The following SPAG16 variants were observed in gnomAD, a reference collection of about 807,000 sequenced individuals.
The protein encoded by SPAG16 is sperm-associated antigen 16 protein.
In SPAG16, 86 loss-of-function variants were observed where a neutral mutation model predicts 80.4. The observed-to-expected ratio is 1.07, with a 90% CI of 0.90 to 1.28. The LOEUF (loss-of-function observed/expected upper bound fraction) is 1.28, where lower values mean the gene tolerates loss of function less well. Among genes scored for constraint, SPAG16 ranks in the 50% most tolerant of loss-of-function variants. The probability of loss-of-function intolerance (pLI) is 0.00; values close to 1 mark genes in which losing one functional copy is unlikely to be tolerated. For synonymous variants in SPAG16, 294 were observed against 265.9 expected, an observed-to-expected ratio of 1.11 and a Z score of -1.03; for missense variants, 870 against 765.3, an observed-to-expected ratio of 1.14 and a Z score of -1.61.
At chr2:213,916,861 C>A (rs2077995801) in intron 11 of SPAG16, among the ~76,000 whole-genome samples, 1 of 152,142 alleles carries the variant, frequency 6.6e-6, no homozygotes, top group Non-Finnish European at 1.5e-5. Context: ...GTCACGAAAT[C>A]TGTGCTAAAT....
Position 213,720,922 on chromosome 2 carries a change from A to G in SPAG16, c.1071-141563A>G, listed in dbSNP as rs377357126. Among the ~76,000 whole-genome samples, 45 of 150,384 alleles carry G rather than the reference A, an allele frequency of 3.0e-4. 1 individual carries two copies. In the East Asian group the frequency reaches 8.3e-3, roughly 28 times the overall value. On this transcript the variant is annotated intron_variant, in intron 10 of 15. Transcript: ENST00000331683. ...CACCACGCCCGGCTAATTTTTTTGT[A>G]TTTTTTAGTAGAGATGGTTTTCACT...
At chr2:213,363,831 C>T (rs561777476) in intron 7 of SPAG16, among the ~76,000 whole-genome samples, 2 of 151,654 alleles carry the variant, frequency 1.3e-5, no homozygotes, top group African/African-American at 2.4e-5. Flanking sequence ...GAAACTATGC[C>T]GTGAAATAAA....
chr2:213,443,122 A>C (rs941993183), intron 9 of SPAG16, among the ~76,000 whole-genome samples: 9 of 152,294 alleles, frequency 5.9e-5, no homozygotes, highest in Admixed American at 5.2e-4. Flanking sequence ...TACAGTAAAG[A>C]ATTTTAATCT....
intron 15 of SPAG16, among the ~76,000 whole-genome samples, chr2:214,154,211 T>C (rs2056110770): frequency 6.6e-6 from 1 of 152,186 alleles, no homozygotes; most frequent in Non-Finnish European, 1.5e-5. Context: ...ATATACATAC[T>C]TTTCCACGTC....
At chr2:214,176,396 G>GA (rs1250088817) in intron 15 of SPAG16, among the ~76,000 whole-genome samples, 2 of 150,828 alleles carry the variant, frequency 1.3e-5, no homozygotes, top group African/African-American at 2.4e-5. Flanking sequence ...AACTTACAAT[G>GA]AAAAAAAATC....
At chr2:214,096,446 A>G (rs1043399695) in intron 13 of SPAG16, among the ~76,000 whole-genome samples, 1 of 152,064 alleles carries the variant, frequency 6.6e-6, no homozygotes, top group African/African-American at 2.4e-5. Context: ...TGCTGCTTCA[A>G]TGAAAGGGAA....
chr2:213,659,109 G>A (rs913156910), intron 10 of SPAG16, among the ~76,000 whole-genome samples: 46 of 152,140 alleles, frequency 3.0e-4, no homozygotes, highest in Admixed American at 6.5e-4. Context: ...AAACCTTTGT[G>A]CATTATTGTG....
At chr2:214,273,737 C>T (rs1004196608) in intron 15 of SPAG16, among the ~76,000 whole-genome samples, 3 of 93,748 alleles carry the variant, frequency 3.2e-5, no homozygotes, top group African/African-American at 9.8e-5. Context: ...TGTGATACTT[C>T]CAGCTTTGTT....
chr2:213,604,465 T>C (rs546396934), intron 10 of SPAG16, among the ~76,000 whole-genome samples: 5 of 152,204 alleles, frequency 3.3e-5, no homozygotes, highest in Non-Finnish European at 7.3e-5. Context: ...TTATAGGTGC[T>C]GAACAAATGA....
chr2:213,905,801 C>T (rs2077406979), intron 11 of SPAG16, among the ~76,000 whole-genome samples: 1 of 152,006 alleles, frequency 6.6e-6, no homozygotes, highest in Non-Finnish European at 1.5e-5. Context: ...ATAAGCGATG[C>T]CCACCCTCCA....
intron 12 of SPAG16, among the ~76,000 whole-genome samples, chr2:214,007,292 C>T (rs551437844): frequency 1.3e-4 from 19 of 151,470 alleles, no homozygotes; most frequent in African/African-American, 4.4e-4. Flanking sequence ...ATTGAAATGC[C>T]TCAGTTAAAA....
intron 15 of SPAG16, among the ~76,000 whole-genome samples, chr2:214,154,207 A>G (rs1351959402): frequency 2.0e-5 from 3 of 152,182 alleles, no homozygotes; most frequent in African/African-American, 4.8e-5. Flanking sequence ...ATTTATATAC[A>G]TACTTTTCCA....
intron 9 of SPAG16, among the ~76,000 whole-genome samples, chr2:213,455,419 G>T (rs2071940852): frequency 6.6e-6 from 1 of 152,000 alleles, no homozygotes; most frequent in South Asian, 2.1e-4. Flanking sequence ...AGTTCCAGGG[G>T]CTAATCTTGA....
intron 9 of SPAG16, among the ~76,000 whole-genome samples, chr2:213,414,031 C>G (rs1003581426): frequency 6.6e-6 from 1 of 152,134 alleles, no homozygotes; most frequent in Non-Finnish European, 1.5e-5. Flanking sequence ...AAAATAATAG[C>G]TAATTGTGCT....
intron 15 of SPAG16, among the ~76,000 whole-genome samples, chr2:214,233,112 C>T (rs1278624842): frequency 6.6e-6 from 1 of 151,832 alleles, no homozygotes; most frequent in Non-Finnish European, 1.5e-5. Context: ...TAAAGAGCTT[C>T]ACAGCAAGTC....
intron 10 of SPAG16, among the ~76,000 whole-genome samples, chr2:213,621,911 AT>A (rs35910856): frequency 6.6e-6 from 1 of 152,122 alleles, no homozygotes; most frequent in Admixed American, 6.6e-5. Flanking sequence ...CCAGGACTAC[AT>A]TTTTTAGCAA....
intron 10 of SPAG16, among the ~76,000 whole-genome samples, chr2:213,763,138 G>T (rs2068749984): frequency 6.6e-6 from 1 of 152,074 alleles, no homozygotes; most frequent in South Asian, 2.1e-4. Flanking sequence ...AATAAAAATT[G>T]TAAGGATATA....
At chr2:213,308,821 A>T (rs906913423) in intron 3 of SPAG16, among the ~76,000 whole-genome samples, 1 of 152,112 alleles carries the variant, frequency 6.6e-6, no homozygotes, top group Admixed American at 6.6e-5. Flanking sequence ...GAAGAAGCAG[A>T]AGTTGCAGCT....
At chr2:213,737,808 T>C (rs1456815186) in intron 10 of SPAG16, among the ~76,000 whole-genome samples, 1 of 152,168 alleles carries the variant, frequency 6.6e-6, no homozygotes, top group Non-Finnish European at 1.5e-5. Context: ...TTTTCTTACA[T>C]GTATACTTTC....
Sources: allele counts gnomAD v4.1 joint callset (sites outside exome capture counted in the v4.1 genomes callset), GRCh38; gene constraint gnomAD v4.1.1; transcripts MANE v1.5; gene names NCBI Gene and HGNC (gene_info 2026-07-23, HGNC 2026-07-21).